The following TENM1 variants were observed in gnomAD, a reference collection of about 807,000 sequenced individuals.
The protein encoded by TENM1 is teneurin-1.
A neutral mutation model predicts 174.8 loss-of-function variants in TENM1; 35 were observed. The ratio of observed to expected loss-of-function variants is 0.20; its 90% CI spans 0.15 to 0.27. TENM1 has a LOEUF of 0.27. TENM1 is among the 10% of genes least tolerant of loss of function. The pLI is 1.00. For missense variants in TENM1, 1,633 were observed against 2,130.1 expected (o/e 0.77, Z 4.59); for synonymous variants, 781 against 798.7 (o/e 0.98, Z 0.37).
intron 15 of TENM1, among the ~76,000 whole-genome samples, chrX:124,544,404 C>A (rs2048386327): frequency 8.9e-6 from 1 of 112,085 alleles, no homozygotes; most frequent in Non-Finnish European, 1.9e-5. Context: ...TCCTCACTGA[C>A]AAATGGAGAT....
At chrX:124,695,250 A>T (rs1041990596) in intron 5 of TENM1, among the ~76,000 whole-genome samples, 2 of 111,539 alleles carry the variant, frequency 1.8e-5, no homozygotes, top group East Asian at 5.6e-4. Flanking sequence ...GACTGAAATA[A>T]TACTTGACAC....
At position 124,698,122 on chromosome X, in the gene TENM1, T is replaced by C. The variant is rs2052693389; in HGVS notation, c.1015+6891A>G. On this transcript the variant is annotated intron_variant, in intron 5 of 31. Coordinates refer to ENST00000422452, the Ensembl canonical transcript of TENM1. Reference sequence around the variant, plus strand: ...GTCTGCTTAGCAGATTCCTTTTCCCTGGGCTTCTTGAACACCAGTATTTCC... The same window carrying C: ...GTCTGCTTAGCAGATTCCTTTTCCCCGGGCTTCTTGAACACCAGTATTTCC... Among the ~76,000 whole-genome samples, 3 of 111,329 alleles carry C rather than the reference T, an allele frequency of 2.7e-5. No individual in the cohort carries two copies. The South Asian group carries it at 1.1e-3, about 42-fold the overall frequency.
chrX:124,873,830 T>C (rs370390987), intron 3 of TENM1, among the ~76,000 whole-genome samples: 2 of 111,621 alleles, frequency 1.8e-5, no homozygotes, highest in African/African-American at 6.5e-5. Context: ...ACCCCATTAC[T>C]GAGCTTAAGA....
intron 14 of TENM1, among the ~76,000 whole-genome samples, chrX:124,550,811 T>G (rs1229559285): frequency 1.8e-5 from 2 of 108,288 alleles, no homozygotes; most frequent in African/African-American, 3.4e-5. Context: ...CAGGCTGGAG[T>G]GCAGTGGCGT....
At chrX:124,614,375 CCTAAGAAGTTAATACAT>C (rs1485126510) in intron 11 of TENM1, among the ~76,000 whole-genome samples, 2 of 111,963 alleles carry the variant, frequency 1.8e-5, no homozygotes, top group East Asian at 5.7e-4. Context: ...GATCATTGCA[CCTAAGAAGTTAATACAT>C]CTACCTCCCA....
chrX:125,011,060 C>T, the TENM1 span, among the ~76,000 whole-genome samples: 21 of 111,173 alleles, frequency 1.9e-4, no homozygotes, highest in African/African-American at 6.9e-4. Context: ...TTCTACAAAC[C>T]TGACAAAAAC....
chrX:124,420,623 T>C, exon 25 of TENM1: 1 of 1,211,236 alleles, frequency 8.3e-7, no homozygotes, highest in Middle Eastern at 2.3e-4. Context: ...GTGGGTTCCA[T>C]TTACAGTGAA....
At chrX:124,641,981 T>C in exon 11 of TENM1, 2 of 1,210,960 alleles carry the variant, frequency 1.7e-6, no homozygotes, top group Non-Finnish European at 2.2e-6. Context: ...ACATTGGGTC[T>C]AGGCAGTCCT....
In TENM1 at chrX:124,860,089, G is replaced by A. The variant is rs186932061; in HGVS notation, c.535+34207C>T. On this transcript the variant is annotated intron_variant, in intron 3 of 31. Transcript: ENST00000422452. Reference sequence around the variant, plus strand: ...CCAACAAGCAAAAATCTCGAGTTATGAAAATCGTGAAATTTAGGGGCAGGG... The same window carrying A: ...CCAACAAGCAAAAATCTCGAGTTATAAAAATCGTGAAATTTAGGGGCAGGG... Among the ~76,000 whole-genome samples the A allele has an allele frequency of 9.7e-3, 1,084 of 111,941 alleles. 11 individuals carry two copies. Among genetic ancestry groups the A allele is most frequent in the African/African-American group, 0.033 (1,006 of 30,833 alleles).
intron 11 of TENM1, among the ~76,000 whole-genome samples, chrX:124,612,644 T>C (rs967735225): frequency 9.0e-5 from 10 of 111,475 alleles, no homozygotes; most frequent in South Asian, 3.8e-4. Context: ...ATCACATAAC[T>C]ACACAGAATA....
intron 22 of TENM1, among the ~76,000 whole-genome samples, chrX:124,462,703 T>C (rs2061192459): frequency 9.0e-6 from 1 of 111,717 alleles, no homozygotes; most frequent in African/African-American, 3.3e-5. Flanking sequence ...AACTGGATTT[T>C]AGAATTAGTT....
At chrX:124,685,503 G>A (rs750631166) in intron 5 of TENM1, among the ~76,000 whole-genome samples, 61 of 109,900 alleles carry the variant, frequency 5.6e-4, no homozygotes, top group Admixed American at 1.3e-3. Flanking sequence ...TAGGAGGAAC[G>A]AAAGGAAGGA....
At chrX:124,485,875 C>T (rs1014508386) in intron 21 of TENM1, among the ~76,000 whole-genome samples, 6 of 111,852 alleles carry the variant, frequency 5.4e-5, no homozygotes, top group East Asian at 2.8e-4. Flanking sequence ...AACAAATCAG[C>T]GTTCCTGCTT....
chrX:124,476,972 T>G (rs1349734792), intron 22 of TENM1, among the ~76,000 whole-genome samples: 1 of 112,482 alleles, frequency 8.9e-6, no homozygotes, highest in Non-Finnish European at 1.9e-5. Context: ...ATGAGTAAAA[T>G]GGCAAATGTT....
chrX:124,430,432 C>T (rs1309853722), intron 23 of TENM1, among the ~76,000 whole-genome samples: 2 of 112,367 alleles, frequency 1.8e-5, no homozygotes, highest in African/African-American at 6.5e-5. Context: ...GTTAACCTAT[C>T]TGAGCTTCTG....
At chrX:124,699,248 G>T (rs756123918) in intron 5 of TENM1, among the ~76,000 whole-genome samples, 2 of 110,434 alleles carry the variant, frequency 1.8e-5, no homozygotes, top group East Asian at 5.7e-4. Context: ...GTCTGAGTTT[G>T]CATGATTGAT....
At chrX:124,926,469 T>C (rs1263845541) in intron 1 of TENM1, among the ~76,000 whole-genome samples, 1 of 111,733 alleles carries the variant, frequency 8.9e-6, no homozygotes, top group Non-Finnish European at 1.9e-5. Context: ...TGTTTTATTA[T>C]TTTTTTCAAT....
At chrX:125,125,801 C>T in the TENM1 span, among the ~76,000 whole-genome samples, 1 of 111,973 alleles carries the variant, frequency 8.9e-6, no homozygotes, top group Non-Finnish European at 1.9e-5. Flanking sequence ...AGAATCAATA[C>T]ATCATAAGAA....
chrX:124,761,404 G>A (rs1192214547), intron 3 of TENM1, among the ~76,000 whole-genome samples: 1 of 109,415 alleles, frequency 9.1e-6, no homozygotes, highest in African/African-American at 3.3e-5. Flanking sequence ...GGACATGGAT[G>A]AAGCTGGAAA....
Sources: gnomAD v4.1 joint callset for allele counts (sites outside exome capture counted in the v4.1 genomes callset) on GRCh38, gnomAD v4.1.1 for gene constraint, MANE v1.5 for transcripts, NCBI Gene and HGNC (gene_info 2026-07-23, HGNC 2026-07-21) for gene names.